Variants in ANKMY1 observed in about 807,000 individuals in gnomAD.
The protein encoded by ANKMY1 is ankyrin repeat and MYND domain-containing protein 1.
ANKMY1 carries 98 observed loss-of-function variants against 102.0 expected under a neutral mutation model. The ratio of observed to expected loss-of-function variants is 0.96; its 90% CI spans 0.82 to 1.14. The LOEUF (loss-of-function observed/expected upper bound fraction) is 1.14. Among genes scored for constraint, ANKMY1 ranks in the 50% most tolerant of loss-of-function variants. The pLI, the probability that ANKMY1 is intolerant of heterozygous loss-of-function variation, is 0.00. For missense variants in ANKMY1, 1,330 were observed against 1,347.6 expected (o/e 0.99, Z 0.20); for synonymous variants, 582 against 559.9 (o/e 1.04, Z -0.56).
At chr2:240,493,674 T>C (rs912974070) in intron 15 of ANKMY1, among the ~76,000 whole-genome samples, 1 of 152,014 alleles carries the variant, frequency 6.6e-6, no homozygotes, top group Non-Finnish European at 1.5e-5. Flanking sequence ...TGTGGCAAGG[T>C]TGTGTGCTAG....
Position 240,511,890 on chromosome 2 carries a change from T to TG in ANKMY1, c.2256dup (p.Met753HisfsTer8), listed in dbSNP as rs1356684032. The TG allele has an allele frequency of 6.3e-7, 1 of 1,592,234 alleles. No individual in the cohort carries two copies. Among genetic ancestry groups the TG allele is most frequent in the Non-Finnish European group, 8.5e-7 (1 of 1,175,148 alleles). Reference sequence around the variant, plus strand: ...TTGTCATCCTCCCGCTCGCAGGCCATGTGCAGAGCCGTCCTGCCCCCCTCC... The same window carrying TG: ...TTGTCATCCTCCCGCTCGCAGGCCATGGTGCAGAGCCGTCCTGCCCCCCTCC... On this transcript the variant is annotated frameshift_variant, in exon 11 of 18. Coordinates refer to ENST00000401804, the MANE Select transcript of ANKMY1 (RefSeq NM_001282771.3). LOFTEE classifies it high-confidence loss of function.
At chr2:240,533,402 A>T (rs1041556194) in intron 4 of ANKMY1, among the ~76,000 whole-genome samples, 1 of 152,216 alleles carries the variant, frequency 6.6e-6, no homozygotes, top group African/African-American at 2.4e-5. Context: ...ATCATGAGCT[A>T]AGTATATAAT....
intron 11 of ANKMY1, among the ~76,000 whole-genome samples, 198 bp downstream of exon 11, chr2:240,511,663 C>T (rs1029760056): frequency 6.6e-6 from 1 of 152,250 alleles, no homozygotes; most frequent in Non-Finnish European, 1.5e-5. Context: ...AGGCCCCGTG[C>T]GCAGGCGTGC....
At chr2:240,472,568 C>G in the ANKMY1 span, among the ~76,000 whole-genome samples, 1 of 152,170 alleles carries the variant, frequency 6.6e-6, no homozygotes, top group Admixed American at 6.5e-5. Context: ...AGCCCTGTTC[C>G]TCAAGGTCTT....
rs2082052033 is a variant in ANKMY1 at position 240,520,684 on chromosome 2, CACACGCAG to C, written c.1833-159_1833-152del. On this transcript the variant is annotated intron_variant, in intron 8 of 17. Coordinates refer to ENST00000401804, the MANE Select transcript of ANKMY1 (RefSeq NM_001282771.3). The surrounding 1 kb of genome is among the most constrained non-coding windows in gnomAD (Gnocchi z 4.8). ...CAATCACACACACAGCACACACCCA[CACACGCAG>C]ACACACCACACAGCACACAACTACA... The C allele has an allele frequency of 1.1e-5, 10 of 946,234 alleles. 1 individual carries two copies. The South Asian group carries it at 1.8e-4, about 17-fold the overall frequency. 58.6% of individuals were successfully genotyped at this position (946,234 alleles called of 1,614,324 possible). A position where few individuals can be genotyped will look rare whatever the true frequency, so the allele number is the denominator to read the frequency against.
intron 16 of ANKMY1, among the ~76,000 whole-genome samples, chr2:240,481,868 C>G (rs1351601034): frequency 2.0e-5 from 3 of 152,126 alleles, no homozygotes; most frequent in African/African-American, 7.2e-5. Context: ...ACTCAGCGGC[C>G]GTCTCTGGGA....
At chr2:240,530,834 G>C (rs1485273877) in intron 4 of ANKMY1, among the ~76,000 whole-genome samples, 2 of 151,968 alleles carry the variant, frequency 1.3e-5, no homozygotes, top group African/African-American at 4.8e-5. Flanking sequence ...GCTCGCTTGA[G>C]ACCAGAAGTT....
chr2:240,497,919 A>C (rs78557056), intron 15 of ANKMY1, among the ~76,000 whole-genome samples: 1 of 152,078 alleles, frequency 6.6e-6, no homozygotes, highest in Non-Finnish European at 1.5e-5. Context: ...GGCAGTAGAC[A>C]TGGGTCTTCG....
intron 15 of ANKMY1, among the ~76,000 whole-genome samples, chr2:240,487,932 C>A (rs145060896): frequency 3.9e-5 from 6 of 152,264 alleles, no homozygotes; most frequent in Non-Finnish European, 8.8e-5. Context: ...AGGTTCTCTT[C>A]ACTATGTTGA....
intron 4 of ANKMY1, among the ~76,000 whole-genome samples, chr2:240,548,278 C>A (rs1279396437): frequency 6.6e-6 from 1 of 152,134 alleles, no homozygotes; most frequent in Non-Finnish European, 1.5e-5. Context: ...GATTATCTCA[C>A]TAGATGCAGA....
At chr2:240,546,796 G>A (rs1408823921) in intron 4 of ANKMY1, among the ~76,000 whole-genome samples, 2 of 152,258 alleles carry the variant, frequency 1.3e-5, no homozygotes, top group Admixed American at 6.5e-5. Flanking sequence ...GGATCAATTC[G>A]ACAAGAAGAG....
At position 240,524,211 on chromosome 2, in the gene ANKMY1, G is replaced by A. The variant is rs540597094; in HGVS notation, c.1506C>T (p.His502=). 4 of 1,613,930 alleles carry A rather than the reference G, an allele frequency of 2.5e-6. No individual in the cohort carries two copies. Among genetic ancestry groups the A allele is most frequent in the African/African-American group, 1.3e-5 (1 of 75,054 alleles). The change falls in exon 8 of 18, where the codon CAC becomes CAT. Residue 502 remains histidine (H), a synonymous_variant. Coordinates refer to ENST00000401804, the MANE Select transcript of ANKMY1 (RefSeq NM_001282771.3). ...CCCCACACTGCCCGGTGTCCTGGAA[G>A]TGGCCGCCCTCGTGGCTGCCTGAGA... ...PRVSGSHEGG[H]FQDTGQCGGS...
intron 4 of ANKMY1, among the ~76,000 whole-genome samples, chr2:240,540,039 A>C (rs2088248860): frequency 6.6e-6 from 1 of 152,244 alleles, no homozygotes; most frequent in Non-Finnish European, 1.5e-5. Flanking sequence ...CATGCATGGC[A>C]AGGCCACACC....
intron 13 of ANKMY1, among the ~76,000 whole-genome samples, chr2:240,505,626 G>T (rs1453720459): frequency 5.3e-5 from 8 of 152,186 alleles, no homozygotes. Context: ...CAGGGCCAGA[G>T]TTGGGGGCAT....
intron 15 of ANKMY1, among the ~76,000 whole-genome samples, chr2:240,495,664 G>A (rs1478690024): frequency 2.0e-5 from 3 of 151,998 alleles, no homozygotes; most frequent in African/African-American, 7.2e-5. Flanking sequence ...AGCACAGTCT[G>A]GCATTCAGGG....
At chr2:240,498,312 G>T (rs1157855981) in intron 15 of ANKMY1, among the ~76,000 whole-genome samples, 1 of 151,568 alleles carries the variant, frequency 6.6e-6, no homozygotes, top group African/African-American at 2.4e-5. Flanking sequence ...TTTATGCATG[G>T]GTGGGCACAT....
chr2:240,512,682 C>T (rs751679611), intron 10 of ANKMY1, 120 bp downstream of exon 10: 4 of 1,330,534 alleles, frequency 3.0e-6, no homozygotes, highest in Non-Finnish European at 4.0e-6. Flanking sequence ...TTCCACTGCC[C>T]AGGCCCCAAG....
upstream of ANKMY1, chr2:240,560,904 C>T: frequency 6.6e-7 from 1 of 1,526,390 alleles, no homozygotes; most frequent in Non-Finnish European, 8.7e-7. Context: ...GTTCGACGAC[C>T]CGGCTGAGGA....
chr2:240,474,262 ATTTTTTTT>A, the ANKMY1 span, among the ~76,000 whole-genome samples: 1 of 90,982 alleles, frequency 1.1e-5, no homozygotes, highest in Non-Finnish European at 2.0e-5. Flanking sequence ...TGCCTGGCTA[ATTTTTTTT>A]TTTTTTTTTT....
Sources: allele counts gnomAD v4.1 joint callset (sites outside exome capture counted in the v4.1 genomes callset), GRCh38; gene constraint gnomAD v4.1.1; non-coding constraint Gnocchi (gnomAD v3.1); transcripts MANE v1.5; gene names NCBI Gene and HGNC (gene_info 2026-07-23, HGNC 2026-07-21).